Variants in GTF3C6 observed in about 807,000 individuals in gnomAD.
GTF3C6 encodes the protein general transcription factor 3C polypeptide 6.
A neutral mutation model predicts 19.2 loss-of-function variants in GTF3C6; 11 were observed. The observed-to-expected ratio is 0.57, with a 90% confidence interval of 0.36 to 0.95. The LOEUF (loss-of-function observed/expected upper bound fraction) is 0.95. GTF3C6 is among the 40% of genes least tolerant of loss of function. GTF3C6 has a pLI of 0.01. For missense variants in GTF3C6, 222 were observed against 254.7 expected, an observed-to-expected ratio of 0.87 and a Z score of 0.87; for synonymous variants, 87 against 84.2, an observed-to-expected ratio of 1.03 and a Z score of -0.18.
At chr6:110,966,464 G>A (rs147502908) in intron 5 of GTF3C6, among the ~76,000 whole-genome samples, 3,802 of 152,120 alleles carry the variant, frequency 0.025, 135 homozygotes, top group African/African-American at 0.088. Flanking sequence ...GTGACAAAGT[G>A]AGACTCCATC....
intron 5 of GTF3C6, among the ~76,000 whole-genome samples, chr6:110,967,204 T>A (rs1771241377): frequency 6.6e-6 from 1 of 151,810 alleles, no homozygotes; most frequent in Non-Finnish European, 1.5e-5. Flanking sequence ...AGGCATGAGA[T>A]GGCAGAGAGT....
intron 5 of GTF3C6, among the ~76,000 whole-genome samples, chr6:110,962,950 T>C (rs1771181269): frequency 6.6e-6 from 1 of 152,158 alleles, no homozygotes; most frequent in Non-Finnish European, 1.5e-5. Context: ...AGCTAATTTT[T>C]GTATTTTTAG....
intron 5 of GTF3C6, among the ~76,000 whole-genome samples, chr6:110,967,228 C>T (rs1258689399): frequency 1.3e-5 from 2 of 151,684 alleles, no homozygotes; most frequent in East Asian, 3.9e-4. Context: ...CAAATTATTT[C>T]TTAGAATGAG....
intron 2 of GTF3C6, among the ~76,000 whole-genome samples, chr6:110,960,133 A>G (rs1771141399): frequency 6.6e-6 from 1 of 152,168 alleles, no homozygotes. Context: ...TAGATGACAG[A>G]TAGACTCTTT....
rs2114255765 is a variant in GTF3C6, at chr6:110,960,633, C to A, written c.247+17C>A. On this transcript the variant is annotated intron_variant, in intron 4 of 5. Coordinates refer to ENST00000329970, the MANE Select transcript of GTF3C6 (RefSeq NM_138408.4). The stretch of plus-strand genomic sequence containing the variant: ...TTGAACATGGTAAGTGATTGCTAGC[C>A]CAGCCCTTTTTAATACGAACTATTT... 6.3e-7 allele frequency: 1 copy of A among 1,598,136 alleles called. No individual in the cohort carries two copies. The highest frequency in any genetic ancestry group is 8.6e-7 in the Non-Finnish European group (1 of 1,165,670).
chr6:110,967,389 G>T, intron 5 of GTF3C6, 121 bp from the exon 6 acceptor site: 1 of 861,978 alleles, frequency 1.2e-6, no homozygotes. Flanking sequence ...ATATTCCTTG[G>T]TTTATGTTAG....
intron 2 of GTF3C6, 140 bp downstream of exon 2, chr6:110,959,392 CTAAGTA>C (rs1269315872): frequency 5.1e-6 from 3 of 594,032 alleles, no homozygotes; most frequent in Non-Finnish European, 8.8e-6. Context: ...AAGAAGTATA[CTAAGTA>C]TAATTAATTA....
In GTF3C6 at chr6:110,958,779, G is replaced by C. The variant is rs1583245527; in HGVS notation, c.10G>C (p.Ala4Pro). Residue 4 changes from alanine to proline, a missense_variant, in exon 1 of 6, where the codon GCG (alanine) becomes CCG (proline). Coordinates refer to ENST00000329970, the MANE Select transcript of GTF3C6 (RefSeq NM_138408.4). ...GAGGCGCCGCGGGACCATGGCGGCG[G>C]CGGCGGACGAGCGGAGTCCAGAGGA... is the stretch of plus-strand genomic sequence containing the variant. MAA[A>P]ADERSPEDGE... The C allele has an allele frequency of 6.4e-7, 1 of 1,551,008 alleles. No homozygotes were observed. Among genetic ancestry groups the C allele is most frequent in the Non-Finnish European group, 8.7e-7 (1 of 1,146,944 alleles).
At chr6:110,965,133 CTTT>C (rs57625165) in intron 5 of GTF3C6, among the ~76,000 whole-genome samples, 7 of 126,112 alleles carry the variant, frequency 5.6e-5, no homozygotes, top group African/African-American at 9.1e-5. Context: ...CGCACCCAAC[CTTT>C]TTTTTTTTTT....
intron 4 of GTF3C6, among the ~76,000 whole-genome samples, chr6:110,961,501 G>A (rs1333906483): frequency 6.6e-6 from 1 of 152,130 alleles, no homozygotes; most frequent in Non-Finnish European, 1.5e-5. Flanking sequence ...ACTTTCTAAA[G>A]TATGGTATCA....
intron 5 of GTF3C6, among the ~76,000 whole-genome samples, chr6:110,965,854 A>G (rs939021898): frequency 6.6e-6 from 1 of 152,264 alleles, no homozygotes; most frequent in Non-Finnish European, 1.5e-5. Context: ...ACAAAAAACC[A>G]GTATCTTACA....
chr6:110,963,930 G>A (rs1357979477), intron 5 of GTF3C6, among the ~76,000 whole-genome samples: 7 of 151,966 alleles, frequency 4.6e-5, no homozygotes, highest in Non-Finnish European at 1.0e-4. Context: ...TTGAACTCCT[G>A]ACCTCAGATG....
chr6:110,960,282 C>A lies in GTF3C6; in HGVS notation c.139-132C>A, dbSNP rs1244633947. The A allele has an allele frequency of 5.8e-6, 4 of 684,712 alleles. No homozygotes were observed. In the East Asian group the frequency reaches 8.1e-5, roughly 14 times the overall value. 42.4% of individuals were successfully genotyped at this position (684,712 alleles called of 1,614,324 possible). ...TGTGATCAGAGCAGTTGTAGTTTAT[C>A]CTGTACTTGGTAGGACAAGATGCTC... On this transcript the variant is annotated intron_variant, in intron 2 of 5. Coordinates refer to ENST00000329970, the MANE Select transcript of GTF3C6 (RefSeq NM_138408.4).
At chr6:110,967,393 A>G in intron 5 of GTF3C6, 117 bp from the exon 6 acceptor site, 1 of 886,118 alleles carries the variant, frequency 1.1e-6, no homozygotes, top group Non-Finnish European at 1.7e-6. Context: ...TCCTTGGTTT[A>G]TGTTAGGCTT....
chr6:110,961,609 A>T (rs1239555558), intron 4 of GTF3C6, among the ~76,000 whole-genome samples: 1 of 152,198 alleles, frequency 6.6e-6, no homozygotes. Flanking sequence ...CAGTTTTCTG[A>T]AAGTTTCAAC....
intron 5 of GTF3C6, among the ~76,000 whole-genome samples, chr6:110,962,805 G>C (rs1673469162): frequency 6.6e-6 from 1 of 151,832 alleles, no homozygotes; most frequent in Non-Finnish European, 1.5e-5. Context: ...TCCAGACGAA[G>C]TCTCGCACTG....
At chr6:110,962,856 G>C (rs988579660) in intron 5 of GTF3C6, among the ~76,000 whole-genome samples, 2 of 152,048 alleles carry the variant, frequency 1.3e-5, no homozygotes, top group Non-Finnish European at 2.9e-5. Flanking sequence ...TCGGCTCACT[G>C]CAACCTCCGC....
At chr6:110,967,422 A>G (rs1013074797) in intron 5 of GTF3C6, 88 bp from the exon 6 acceptor site, 26 of 1,183,510 alleles carry the variant, frequency 2.2e-5, no homozygotes, top group Non-Finnish European at 2.8e-5. Context: ...ACATGTATTC[A>G]TAGGATAGAA....
intron 2 of GTF3C6, among the ~76,000 whole-genome samples, chr6:110,959,537 T>C (rs1289679150): frequency 1.3e-5 from 2 of 152,118 alleles, no homozygotes; most frequent in Non-Finnish European, 2.9e-5. Context: ...GGAAGTAACA[T>C]TGTGATATGG....
Sources: gnomAD v4.1 joint callset for allele counts (sites outside exome capture counted in the v4.1 genomes callset) on GRCh38, gnomAD v4.1.1 for gene constraint, MANE v1.5 for transcripts, NCBI Gene and HGNC (gene_info 2026-07-23, HGNC 2026-07-21) for gene names.